The following LRRC4C variants were observed in gnomAD, a reference collection of about 807,000 sequenced individuals.
The protein encoded by LRRC4C is leucine rich repeat containing 4C.
A neutral mutation model predicts 33.6 loss-of-function variants in LRRC4C; 5 were observed. The observed-to-expected ratio is 0.15, with a 90% CI of 0.08 to 0.31. The LOEUF (loss-of-function observed/expected upper bound fraction) is 0.31. Among genes scored for constraint, LRRC4C ranks in the 10% least tolerant of loss-of-function variants. The pLI is 1.00. For missense variants in LRRC4C, 560 were observed against 796.7 expected (o/e 0.70, Z 3.58); for synonymous variants, 329 against 302.0 (o/e 1.09, Z -0.93).
intron 3 of LRRC4C, among the ~76,000 whole-genome samples, chr11:40,529,509 A>T (rs1189762282): frequency 1.3e-5 from 2 of 152,082 alleles, no homozygotes; most frequent in Non-Finnish European, 2.9e-5. Flanking sequence ...AGGTAAGAGA[A>T]ATAGTTGTTT....
Position 40,282,875 on chromosome 11 carries a change from T to C in LRRC4C, c.-176+36753A>G, listed in dbSNP as rs573829978. 5.9e-5 allele frequency among the ~76,000 whole-genome samples: 9 copies of C among 152,368 alleles called. No individual in the cohort carries two copies. In the East Asian group the frequency reaches 1.5e-3, roughly 26 times the overall value. On this transcript the variant is annotated intron_variant, in intron 4 of 6. Transcript: ENST00000528697. ...TCCCACAAAGCCAGGTGTTCACATG[T>C]TGTCAAAAACGATTGCAGCTCATGA...
At chr11:40,782,199 C>T (rs569721411) in intron 2 of LRRC4C, among the ~76,000 whole-genome samples, 17 of 152,150 alleles carry the variant, frequency 1.1e-4, no homozygotes, top group East Asian at 3.9e-4. Context: ...ATTATGTTTT[C>T]GGCATATATA....
chr11:40,333,553 C>T (rs1395782323), intron 3 of LRRC4C, among the ~76,000 whole-genome samples: 1 of 151,684 alleles, frequency 6.6e-6, no homozygotes, highest in Non-Finnish European at 1.5e-5. Context: ...CCCGTCTCTA[C>T]TAAAAATACC....
At chr11:40,571,607 G>GTA (rs1341674140) in intron 3 of LRRC4C, among the ~76,000 whole-genome samples, 1 of 152,102 alleles carries the variant, frequency 6.6e-6, no homozygotes, top group Non-Finnish European at 1.5e-5. Context: ...AGCTCTTTAT[G>GTA]TATAATTCAG....
chr11:40,665,791 A>G (rs1352326345), intron 2 of LRRC4C, among the ~76,000 whole-genome samples: 1 of 152,080 alleles, frequency 6.6e-6, no homozygotes, highest in African/African-American at 2.4e-5. Context: ...ATAATTTTTC[A>G]AAGTGCTAAT....
chr11:40,580,086 T>TGTGTGC (rs369797293), intron 3 of LRRC4C, among the ~76,000 whole-genome samples: 10 of 151,726 alleles, frequency 6.6e-5, no homozygotes, highest in African/African-American at 1.7e-4. Flanking sequence ...TGTGTGTGTG[T>TGTGTGC]GCCTTTCAAG....
At chr11:40,394,916 G>C (rs1323650704) in intron 3 of LRRC4C, among the ~76,000 whole-genome samples, 3 of 151,998 alleles carry the variant, frequency 2.0e-5, no homozygotes, top group African/African-American at 7.3e-5. Flanking sequence ...TATCAACCTT[G>C]ACGGCCTTAA....
chr11:40,409,107 C>G (rs1950065183), intron 3 of LRRC4C, among the ~76,000 whole-genome samples: 1 of 151,744 alleles, frequency 6.6e-6, no homozygotes, highest in Non-Finnish European at 1.5e-5. Context: ...CATTTATGGT[C>G]AATTGATTTT....
chr11:40,472,770 G>A (rs1303446367), intron 3 of LRRC4C, among the ~76,000 whole-genome samples: 1 of 151,770 alleles, frequency 6.6e-6, no homozygotes, highest in African/African-American at 2.4e-5. Flanking sequence ...ATGATAAAAG[G>A]GATATCAACA....
At chr11:41,316,443 A>AAAATAAG (rs1436633440) in intron 1 of LRRC4C, among the ~76,000 whole-genome samples, 1 of 152,134 alleles carries the variant, frequency 6.6e-6, no homozygotes, top group African/African-American at 2.4e-5. Context: ...CATTACATTA[A>AAAATAAG]AAATAAGTAC....
intron 1 of LRRC4C, among the ~76,000 whole-genome samples, chr11:41,153,103 C>T (rs982971442): frequency 2.0e-5 from 3 of 152,128 alleles, no homozygotes; most frequent in Non-Finnish European, 4.4e-5. Context: ...AAGTCTGCAT[C>T]TTTCTCATGC....
At chr11:40,879,442 G>T (rs1591975703) in intron 2 of LRRC4C, among the ~76,000 whole-genome samples, 1 of 152,180 alleles carries the variant, frequency 6.6e-6, no homozygotes, top group African/African-American at 2.4e-5. Flanking sequence ...GAAGGAATTT[G>T]AAAGGAAAGT....
chr11:40,766,750 T>A (rs1288148870), intron 2 of LRRC4C, among the ~76,000 whole-genome samples: 2 of 151,794 alleles, frequency 1.3e-5, no homozygotes, highest in South Asian at 2.1e-4. Flanking sequence ...GCAAACCTCA[T>A]GGTAAATTCA....
intron 1 of LRRC4C, among the ~76,000 whole-genome samples, chr11:41,323,828 A>G (rs992438726): frequency 4.6e-5 from 7 of 152,210 alleles, no homozygotes; most frequent in Non-Finnish European, 8.8e-5. Flanking sequence ...ATGGGTTTAT[A>G]TCTTAAAGGC....
In LRRC4C at chr11:40,212,414, G is replaced by A. The variant is rs190380042; in HGVS notation, c.-96+29105C>T. 1.6e-4 allele frequency among the ~76,000 whole-genome samples: 24 copies of A among 150,470 alleles called. 1 individual carries two copies. The highest frequency in any genetic ancestry group is 6.9e-3 in the Middle Eastern group (2 of 290). On this transcript the variant is annotated intron_variant, in intron 5 of 6. Transcript: ENST00000528697. ...CTCAGATTAGAAACTACTTTTAGTA[G>A]TATGTAAAAACACACAACTTTTACA...
chr11:40,616,654 G>A (rs934587082), intron 3 of LRRC4C, among the ~76,000 whole-genome samples: 3 of 151,562 alleles, frequency 2.0e-5, no homozygotes, highest in African/African-American at 2.4e-5. Context: ...GCAAACTATC[G>A]CAAGGACAAA....
intron 1 of LRRC4C, among the ~76,000 whole-genome samples, chr11:41,106,368 CTA>C (rs1185853202): frequency 6.6e-6 from 1 of 151,516 alleles, no homozygotes; most frequent in African/African-American, 2.4e-5. Context: ...TATTTAGTGT[CTA>C]TTTGACATGA....
intron 4 of LRRC4C, among the ~76,000 whole-genome samples, chr11:40,317,618 T>C (rs959860439): frequency 7.9e-5 from 12 of 152,120 alleles, no homozygotes; most frequent in Non-Finnish European, 5.9e-5. Context: ...CTGAAACGTC[T>C]CTCTGCATGT....
intron 1 of LRRC4C, among the ~76,000 whole-genome samples, chr11:41,278,740 T>C (rs1255454456): frequency 2.6e-5 from 4 of 152,242 alleles, no homozygotes; most frequent in Non-Finnish European, 2.9e-5. Context: ...CAGATTCTCT[T>C]ACCAACAGTT....
Sources: gnomAD v4.1 joint callset for allele counts (sites outside exome capture counted in the v4.1 genomes callset) on GRCh38, gnomAD v4.1.1 for gene constraint, MANE v1.5 for transcripts, NCBI Gene and HGNC (gene_info 2026-07-23, HGNC 2026-07-21) for gene names.